The following PCCA variants were observed in gnomAD, a reference collection of about 807,000 sequenced individuals.
The protein encoded by PCCA is propionyl-CoA carboxylase alpha chain, mitochondrial.
A neutral mutation model predicts 101.3 loss-of-function variants in PCCA; 74 were observed. The observed-to-expected ratio is 0.73, with a 90% CI of 0.61 to 0.89. The LOEUF (loss-of-function observed/expected upper bound fraction) is 0.89, where lower values mean the gene tolerates loss of function less well. PCCA is among the 40% of genes least tolerant of loss of function. The pLI, the probability that PCCA is intolerant of heterozygous loss-of-function variation, is 0.00. For synonymous variants in PCCA, 294 were observed against 313.6 expected (o/e 0.94, Z 0.66); for missense variants, 891 against 907.0 (o/e 0.98, Z 0.23).
At chr13:100,288,095 GAGAT>G (rs1277312834) in intron 12 of PCCA, among the ~76,000 whole-genome samples, 1 of 152,020 alleles carries the variant, frequency 6.6e-6, no homozygotes, top group African/African-American at 2.4e-5. Context: ...GATTAAGAAA[GAGAT>G]AGACGGAGTT....
chr13:100,274,118 T>G (rs2063486134), intron 12 of PCCA, among the ~76,000 whole-genome samples: 1 of 152,208 alleles, frequency 6.6e-6, no homozygotes, highest in Non-Finnish European at 1.5e-5. Flanking sequence ...TGATTCCCCC[T>G]CCATCTTCCC....
At position 100,117,596 on chromosome 13, in the gene PCCA, G is replaced by A. The variant is rs116514723; in HGVS notation, c.300+5535G>A. ...AATGAAGACACTTGGACACAGGGTAGGGAACATCACACACTGTGTCCTGTT... is the reference window on the plus strand; with the variant it reads ...AATGAAGACACTTGGACACAGGGTAAGGAACATCACACACTGTGTCCTGTT... On this transcript the variant is annotated intron_variant, in intron 4 of 23. Coordinates refer to ENST00000376285, the MANE Select transcript of PCCA (RefSeq NM_000282.4). Among the ~76,000 whole-genome samples, 1,233 of 152,194 alleles carry A rather than the reference G, an allele frequency of 8.1e-3. 20 individuals carry two copies. Among genetic ancestry groups the A allele is most frequent in the African/African-American group, 0.029 (1,184 of 41,492 alleles).
intron 22 of PCCA, 147 bp downstream of exon 22, chr13:100,515,714 G>C (rs1265593131): frequency 1.1e-6 from 1 of 920,506 alleles, no homozygotes; most frequent in Admixed American, 1.9e-5. Flanking sequence ...TGCGTGTGTT[G>C]TCGACCTGTT....
At chr13:100,246,129 C>T (rs751115485) in intron 8 of PCCA, among the ~76,000 whole-genome samples, 5 of 152,092 alleles carry the variant, frequency 3.3e-5, no homozygotes, top group Non-Finnish European at 7.4e-5. Context: ...GGCAGAAAGC[C>T]GAGGACAAGT....
intron 21 of PCCA, among the ~76,000 whole-genome samples, chr13:100,455,019 A>G (rs2081606025): frequency 6.6e-6 from 1 of 152,192 alleles, no homozygotes; most frequent in Admixed American, 6.5e-5. Context: ...GACTAAAGAC[A>G]GGAAATACAG....
At chr13:100,251,416 A>G (rs948862641) in intron 8 of PCCA, among the ~76,000 whole-genome samples, 6 of 152,256 alleles carry the variant, frequency 3.9e-5, no homozygotes, top group African/African-American at 1.4e-4. Context: ...AATGACTTAC[A>G]GCTGCTCAGA....
chr13:100,525,323 G>GT (rs1224272946), intron 22 of PCCA, among the ~76,000 whole-genome samples: 1 of 152,192 alleles, frequency 6.6e-6, no homozygotes, highest in Non-Finnish European at 1.5e-5. Context: ...TAAATCCGAG[G>GT]TTTTTTTCTG....
At chr13:100,357,839 C>G (rs756765033) in intron 18 of PCCA, among the ~76,000 whole-genome samples, 8 of 152,074 alleles carry the variant, frequency 5.3e-5, no homozygotes, top group Non-Finnish European at 1.0e-4. Flanking sequence ...GGAAATTAAG[C>G]AGGGATATCA....
chr13:100,475,618 T>G (rs1207349987), intron 21 of PCCA, among the ~76,000 whole-genome samples: 1 of 152,056 alleles, frequency 6.6e-6, no homozygotes, highest in African/African-American at 2.4e-5. Flanking sequence ...CATGTACGAG[T>G]TTTTGGGGCG....
intron 7 of PCCA, among the ~76,000 whole-genome samples, chr13:100,227,924 ACTATT>A (rs1280583193): frequency 2.6e-5 from 4 of 152,192 alleles, no homozygotes; most frequent in East Asian, 1.9e-4. Context: ...TGAAAATAAA[ACTATT>A]CTAAAGACTT....
In PCCA at chr13:100,089,128, G is replaced by A; in HGVS notation, c.8G>A (p.Gly3Glu). ...CGGTCTGCGGGGACAACAATGGCGG[G>A]GTTCTGGGTCGGGACAGCACCGCTG... MA[G>E]FWVGTAPLVA... Residue 3 changes from glycine (G) to glutamate (E), a missense_variant, in exon 1 of 24, where the codon GGG (glycine) becomes GAG (glutamate). Gly to Glu is a moderately conservative substitution (Grantham distance 98, BLOSUM62 -2). Transcript: ENST00000376285. 6.6e-7 allele frequency: 1 copy of A among 1,505,372 alleles called. No individual in the cohort carries two copies. The highest frequency in any genetic ancestry group is 8.9e-7 in the Non-Finnish European group (1 of 1,124,336). The allele number at this position is 1,505,372 out of a possible 1,614,324, so 93.3% of individuals were successfully genotyped here. A position where few individuals can be genotyped will look rare whatever the true frequency, so the allele number is the denominator to read the frequency against.
At chr13:100,300,175 ACTAC>A (rs2065947970) in intron 12 of PCCA, among the ~76,000 whole-genome samples, 1 of 152,228 alleles carries the variant, frequency 6.6e-6, no homozygotes, top group African/African-American at 2.4e-5. Context: ...CATATTTTAA[ACTAC>A]CTAATAAGAT....
At chr13:100,156,308 TCTGC>T (rs2053880601) in intron 5 of PCCA, among the ~76,000 whole-genome samples, 2 of 152,196 alleles carry the variant, frequency 1.3e-5, no homozygotes, top group Admixed American at 1.3e-4. Context: ...CCTCAGGTGA[TCTGC>T]CTGCCTCAGC....
At chr13:100,516,801 G>C (rs1477475080) in intron 22 of PCCA, among the ~76,000 whole-genome samples, 16 of 146,602 alleles carry the variant, frequency 1.1e-4, no homozygotes, top group Admixed American at 1.0e-3. Context: ...TCCTTCTCCA[G>C]AGTTAGGGTC....
intron 8 of PCCA, among the ~76,000 whole-genome samples, chr13:100,248,190 A>G (rs1256600553): frequency 1.3e-5 from 2 of 151,786 alleles, no homozygotes; most frequent in Admixed American, 1.3e-4. Flanking sequence ...ATTTATATTT[A>G]TTGTATTTAA....
In PCCA at chr13:100,450,781, A is replaced by G. The variant is rs573318014; in HGVS notation, c.1899+1476A>G. Among the ~76,000 whole-genome samples the G allele has an allele frequency of 5.9e-5, 9 of 152,348 alleles. No individual in the cohort carries two copies. In the South Asian group the frequency reaches 1.9e-3, roughly 32 times the overall value. ...TATAGGTACTTGGTCAATGTAACCT[A>G]AATTTTAAGTATTGGAACTAAGTTT... On this transcript the variant is annotated intron_variant, in intron 21 of 23. Coordinates refer to ENST00000376285, the MANE Select transcript of PCCA (RefSeq NM_000282.4).
chr13:100,508,704 A>C (rs1335661075), intron 21 of PCCA, among the ~76,000 whole-genome samples: 2 of 152,198 alleles, frequency 1.3e-5, no homozygotes, highest in Non-Finnish European at 2.9e-5. Flanking sequence ...TGCAGGCTGT[A>C]AGGCTCTAGT....
intron 12 of PCCA, among the ~76,000 whole-genome samples, chr13:100,292,644 C>G (rs1383193524): frequency 6.6e-6 from 1 of 152,140 alleles, no homozygotes; most frequent in African/African-American, 2.4e-5. Context: ...TAAAGCCTGT[C>G]TGACATCTGA....
chr13:100,317,855 T>TG (rs747833577), intron 16 of PCCA, among the ~76,000 whole-genome samples: 15 of 152,246 alleles, frequency 9.9e-5, no homozygotes, highest in Non-Finnish European at 1.5e-4. Context: ...CCCAAAATGT[T>TG]GCAATAACAG....
Sources: gnomAD v4.1 joint callset for allele counts (sites outside exome capture counted in the v4.1 genomes callset) on GRCh38, gnomAD v4.1.1 for gene constraint, MANE v1.5 for transcripts, NCBI Gene and HGNC (gene_info 2026-07-23, HGNC 2026-07-21) for gene names.